ASPH: variants seen among roughly 807,000 people sequenced by gnomAD.
The protein encoded by ASPH is aspartyl/asparaginyl beta-hydroxylase.
A neutral mutation model predicts 118.4 loss-of-function variants in ASPH; 100 were observed. That is an observed-to-expected ratio of 0.84 (90% CI 0.72 to 1.00). ASPH has a LOEUF of 1.00. ASPH is among the 50% of genes least tolerant of loss of function. The pLI, the probability that ASPH is intolerant of heterozygous loss-of-function variation, is 0.00. For missense variants in ASPH, 920 were observed against 919.5 expected (o/e 1.00, Z -0.01); for synonymous variants, 315 against 325.6 (o/e 0.97, Z 0.35).
intron 1 of ASPH, among the ~76,000 whole-genome samples, chr8:61,697,215 T>C (rs1434364415): frequency 6.6e-6 from 1 of 152,190 alleles, no homozygotes; most frequent in Non-Finnish European, 1.5e-5. Flanking sequence ...CAAAAAACAG[T>C]TGATACAATT....
intron 1 of ASPH, among the ~76,000 whole-genome samples, chr8:61,702,488 G>A (rs368584474): frequency 3.3e-5 from 5 of 151,910 alleles, no homozygotes; most frequent in East Asian, 1.9e-4. Context: ...GGGTTTCACC[G>A]TGTTAGCCAG....
intron 14 of ASPH, among the ~76,000 whole-genome samples, chr8:61,601,217 T>C (rs1392496900): frequency 2.0e-5 from 3 of 150,922 alleles, no homozygotes; most frequent in Non-Finnish European, 4.4e-5. Context: ...ATATAGAAGA[T>C]TTGAACAGTG....
intron 15 of ASPH, among the ~76,000 whole-genome samples, chr8:61,581,030 AG>A (rs1837359862): frequency 6.6e-6 from 1 of 152,250 alleles, no homozygotes; most frequent in Non-Finnish European, 1.5e-5. Context: ...TTAAAACATA[AG>A]AATAACAATG....
At chr8:61,543,284 T>C (rs1822620032) in intron 21 of ASPH, among the ~76,000 whole-genome samples, 1 of 152,186 alleles carries the variant, frequency 6.6e-6, no homozygotes, top group South Asian at 2.1e-4. Context: ...TCGTGCTCCA[T>C]AGGTTGTTTT....
intron 3 of ASPH, chr8:61,675,953 T>A: frequency 2.0e-6 from 3 of 1,512,214 alleles, no homozygotes; most frequent in Non-Finnish European, 2.6e-6. Flanking sequence ...CATGGTTGAC[T>A]TGCACGGTAA....
intron 14 of ASPH, among the ~76,000 whole-genome samples, chr8:61,609,633 T>C (rs913580618): frequency 3.9e-5 from 6 of 152,170 alleles, no homozygotes; most frequent in Non-Finnish European, 5.9e-5. Flanking sequence ...ATTTTCACCA[T>C]TATTAATATT....
At chr8:61,692,301 T>G (rs1832828787) in intron 1 of ASPH, among the ~76,000 whole-genome samples, 1 of 152,232 alleles carries the variant, frequency 6.6e-6, no homozygotes, top group South Asian at 2.1e-4. Flanking sequence ...AACTGCCTCT[T>G]ATAATGACAA....
chr8:61,686,113 T>C (rs946249226), intron 1 of ASPH, among the ~76,000 whole-genome samples: 3 of 152,210 alleles, frequency 2.0e-5, no homozygotes, highest in African/African-American at 7.2e-5. Context: ...GAACCAGAGT[T>C]GTAAATAATA....
chr8:61,512,209 T>A (rs536620332), intron 24 of ASPH, among the ~76,000 whole-genome samples: 2 of 152,182 alleles, frequency 1.3e-5, no homozygotes, highest in South Asian at 4.2e-4. Context: ...CTGTCCCCCT[T>A]CCCTGCTAAA....
intron 13 of ASPH, among the ~76,000 whole-genome samples, chr8:61,621,028 G>A (rs1473210114): frequency 6.6e-6 from 1 of 152,212 alleles, no homozygotes; most frequent in African/African-American, 2.4e-5. Context: ...TCCCAGGAAC[G>A]TGGAGGGTGA....
chr8:61,597,188 C>A (rs1301650858), intron 14 of ASPH, among the ~76,000 whole-genome samples: 2 of 137,870 alleles, frequency 1.5e-5, no homozygotes, highest in Admixed American at 7.6e-5. Flanking sequence ...TTGAAATAAT[C>A]CAGTCAGGAA....
chr8:61,714,284 G>GGCTGCTGCTGCCCGCACTT lies in ASPH; in HGVS notation c.87_88insAAGTGCGGGCAGCAGCAGC (p.Pro30LysfsTer53). On this transcript the variant is annotated frameshift_variant, in exon 1 of 25. Coordinates refer to ENST00000379454, the MANE Select transcript of ASPH (RefSeq NM_004318.4). LOFTEE classifies it high-confidence loss of function. The stretch of plus-strand genomic sequence containing the variant: ...GGCCTCTGACCTCTCCGGGCCCCGG[G>GGCTGCTGCTGCCCGCACTT]GCTGCTGCTGCCCGCACTCGTGCTA... 1 of 1,519,510 alleles carries GGCTGCTGCTGCCCGCACTT rather than the reference G, an allele frequency of 6.6e-7. No individual in the cohort carries two copies. The highest frequency in any genetic ancestry group is 8.8e-7 in the Non-Finnish European group (1 of 1,135,754). 94.1% of individuals were successfully genotyped at this position (1,519,510 alleles called of 1,614,324 possible).
intron 14 of ASPH, 104 bp from the exon 15 acceptor site, chr8:61,584,133 A>G: frequency 1.4e-6 from 1 of 690,444 alleles, no homozygotes; most frequent in South Asian, 1.9e-5. Context: ...GGTCTCCACC[A>G]AAGACCTGCA....
intron 22 of ASPH, among the ~76,000 whole-genome samples, chr8:61,518,832 T>C (rs140198603): frequency 3.9e-5 from 6 of 152,344 alleles, no homozygotes; most frequent in African/African-American, 1.4e-4. Context: ...CTTGGCAGCG[T>C]GTCCATCATC....
intron 22 of ASPH, among the ~76,000 whole-genome samples, chr8:61,521,110 G>T (rs1222450171): frequency 6.6e-6 from 1 of 152,160 alleles, no homozygotes; most frequent in Non-Finnish European, 1.5e-5. Context: ...TCTGCATGAT[G>T]AGAGTGCCTC....
intron 24 of ASPH, among the ~76,000 whole-genome samples, chr8:61,507,759 C>A (rs1220324767): frequency 2.6e-5 from 4 of 152,226 alleles, no homozygotes; most frequent in African/African-American, 4.8e-5. Flanking sequence ...AACTAGTTTT[C>A]AGGCCACTTG....
At position 61,579,930 on chromosome 8, in the gene ASPH, AAAT is replaced by A. The variant is rs1462594363; in HGVS notation, c.1063-3075_1063-3073del. ...ATGTCAAAAAAAAAAAAAAAAAAAAAAATGGGAGAAATTCGCCAAAACAAAGGG... is the reference window on the plus strand; with the variant it reads ...ATGTCAAAAAAAAAAAAAAAAAAAAAGGGAGAAATTCGCCAAAACAAAGGG... On this transcript the variant is annotated intron_variant, in intron 15 of 24. Transcript: ENST00000379454. Among the ~76,000 whole-genome samples the A allele has an allele frequency of 1.5e-4, 23 of 149,426 alleles. 1 individual carries two copies. The highest frequency in any genetic ancestry group is 3.4e-4 in the Admixed American group (5 of 14,892).
chr8:61,685,908 A>G (rs1220703752), intron 1 of ASPH, among the ~76,000 whole-genome samples: 3 of 151,764 alleles, frequency 2.0e-5, no homozygotes, highest in Admixed American at 1.3e-4. Flanking sequence ...AACTGGGATT[A>G]CAGGCACCTG....
At chr8:61,672,121 T>C (rs980440659) in intron 3 of ASPH, among the ~76,000 whole-genome samples, 1 of 152,168 alleles carries the variant, frequency 6.6e-6, no homozygotes, top group African/African-American at 2.4e-5. Flanking sequence ...TGAGTAACCA[T>C]CCTGTTAGCG....
Sources: allele counts gnomAD v4.1 joint callset (sites outside exome capture counted in the v4.1 genomes callset), GRCh38; gene constraint gnomAD v4.1.1; transcripts MANE v1.5; gene names NCBI Gene and HGNC (gene_info 2026-07-23, HGNC 2026-07-21).